The following SLC8A2 variants were observed in gnomAD, a reference collection of about 807,000 sequenced individuals.
SLC8A2 encodes sodium/calcium exchanger 2.
A neutral mutation model predicts 70.2 loss-of-function variants in SLC8A2; 14 were observed. The observed-to-expected ratio is 0.20, with a 90% CI of 0.13 to 0.31. The LOEUF is 0.31. Among genes scored for constraint, SLC8A2 ranks in the 10% least tolerant of loss-of-function variants. The probability of loss-of-function intolerance (pLI) is 1.00; values close to 1 mark genes in which losing one functional copy is unlikely to be tolerated. For synonymous variants in SLC8A2, 575 were observed against 594.3 expected (o/e 0.97, Z 0.47); for missense variants, 779 against 1,320.1 (o/e 0.59, Z 6.35).
intron 3 of SLC8A2, among the ~76,000 whole-genome samples, chr19:47,452,446 GT>G (rs34704355): frequency 3.5e-5 from 2 of 56,436 alleles, no homozygotes; most frequent in Admixed American, 5.2e-4. Flanking sequence ...GAGAGAGAGA[GT>G]GTGTGTGTGT....
chr19:47,465,725 T>G lies in SLC8A2; in HGVS notation c.675+4A>C, dbSNP rs747440137. The G allele has an allele frequency of 1.2e-6, 2 of 1,603,856 alleles. No homozygotes were observed. The highest frequency in any genetic ancestry group is 8.5e-7 in the Non-Finnish European group (1 of 1,173,228). ...CAAGAAAGCATCTATGCGTCTTTGCTCACCTGGACCACACCGGGGGAAAAA... is the reference window on the plus strand; with the variant it reads ...CAAGAAAGCATCTATGCGTCTTTGCGCACCTGGACCACACCGGGGGAAAAA... On this transcript the variant is annotated splice_donor_region_variant and intron_variant, in intron 2 of 9. Coordinates refer to ENST00000236877, the MANE Select transcript of SLC8A2 (RefSeq NM_015063.3). The surrounding 1 kb of genome is among the most constrained non-coding windows in gnomAD (Gnocchi z 5.5).
Position 47,430,032 on chromosome 19 carries a change from G to A in SLC8A2, c.*57C>T. 1 of 1,512,340 alleles carries A rather than the reference G, an allele frequency of 6.6e-7. No homozygotes were observed. Among genetic ancestry groups the A allele is most frequent in the South Asian group, 1.3e-5 (1 of 78,852 alleles). 93.7% of individuals were successfully genotyped at this position (1,512,340 alleles called of 1,614,324 possible). On this transcript the variant is annotated 3_prime_UTR_variant, in exon 10 of 10. Coordinates refer to ENST00000236877, the MANE Select transcript of SLC8A2 (RefSeq NM_015063.3). This position sits in a 1 kb window ranked among gnomAD's most constrained non-coding sequence, Gnocchi z 5.9. ...AAAGGAGACCAGGGTCCAAGAGCAG[G>A]TGCAGCCGAGTCCCTAGCCCCGGGC...
Position 47,457,584 on chromosome 19 carries a change from G to T in SLC8A2, c.686C>A (p.Ala229Glu). 6.4e-7 allele frequency: 1 copy of T among 1,561,468 alleles called. No homozygotes were observed. Among genetic ancestry groups the T allele is most frequent in the Non-Finnish European group, 8.7e-7 (1 of 1,154,164 alleles). The stretch of plus-strand genomic sequence containing the variant: ...CGGGAAGAAGACCAGGGTCAGCAGC[G>T]CCTCCCACACCTGCGGGCGGCGGGC... ...FSPGVVQVWEALLTLVFFPVC... is the reference protein window; with the variant it reads ...FSPGVVQVWEELLTLVFFPVC... Residue 229 changes from alanine to glutamate, a missense_variant, in exon 3 of 10, where the codon GCG becomes GAG. This residue lies in a region of SLC8A2 where 155 missense variants were observed against 318.6 expected (regional missense o/e 0.49). Coordinates refer to ENST00000236877, the MANE Select transcript of SLC8A2 (RefSeq NM_015063.3).
chr19:47,460,547 A>G (rs60333835), intron 2 of SLC8A2, among the ~76,000 whole-genome samples: 3,916 of 151,980 alleles, frequency 0.026, 145 homozygotes, highest in African/African-American at 0.091. Context: ...AAAATACAAA[A>G]TTAGCCAGGC....
chr19:47,451,261 G>A (rs894987880), intron 3 of SLC8A2, among the ~76,000 whole-genome samples: 1 of 151,770 alleles, frequency 6.6e-6, no homozygotes, highest in Admixed American at 6.6e-5. Flanking sequence ...GCCAGCCTCG[G>A]CCTCCCAAAG....
At chr19:47,442,920 T>C (rs569172406) in intron 4 of SLC8A2, among the ~76,000 whole-genome samples, 1 of 152,238 alleles carries the variant, frequency 6.6e-6, no homozygotes, top group South Asian at 2.1e-4. Flanking sequence ...TGCCCTCAAG[T>C]GATCCTCCCA....
intron 3 of SLC8A2, among the ~76,000 whole-genome samples, chr19:47,451,567 C>T (rs1472290876): frequency 6.6e-6 from 1 of 152,202 alleles, no homozygotes; most frequent in Non-Finnish European, 1.5e-5. Flanking sequence ...CCTTGGGCTC[C>T]CAAAGTGCTG....
At chr19:47,439,602 C>CTT (rs1208470890) in intron 6 of SLC8A2, among the ~76,000 whole-genome samples, 1 of 132,474 alleles carries the variant, frequency 7.5e-6, no homozygotes, top group Non-Finnish European at 1.6e-5. Flanking sequence ...CTCTCTTCTC[C>CTT]CTCCTTCCTT....
At chr19:47,433,244 C>A (rs916611505) in intron 8 of SLC8A2, among the ~76,000 whole-genome samples, 5 of 152,102 alleles carry the variant, frequency 3.3e-5, no homozygotes, top group African/African-American at 1.2e-4. Flanking sequence ...AGATTCACTG[C>A]AGCTAACCAG....
intron 2 of SLC8A2, among the ~76,000 whole-genome samples, chr19:47,464,756 A>T (rs757981177): frequency 6.6e-5 from 10 of 152,260 alleles, no homozygotes; most frequent in Non-Finnish European, 1.2e-4. Context: ...GACACCTGCA[A>T]ATAAATTATG....
intron 2 of SLC8A2, among the ~76,000 whole-genome samples, chr19:47,461,741 T>C (rs1421573407): frequency 6.6e-6 from 1 of 152,266 alleles, no homozygotes; most frequent in Non-Finnish European, 1.5e-5. Flanking sequence ...CCTACCATTA[T>C]GTATATTGCA....
At chr19:47,437,701 GA>G in intron 7 of SLC8A2, 140 bp from the exon 8 acceptor site, 1 of 1,175,002 alleles carries the variant, frequency 8.5e-7, no homozygotes, top group Non-Finnish European at 1.3e-6. Context: ...GGCAAGCAAG[GA>G]AAAGGGAGGC....
At chr19:47,441,220 T>C in intron 5 of SLC8A2, 34 bp from the exon 6 acceptor site, 1 of 1,613,502 alleles carries the variant, frequency 6.2e-7, no homozygotes, top group Non-Finnish European at 8.5e-7. Context: ...GACAGTGAGA[T>C]CAGTTCCCCA....
chr19:47,435,777 A>G (rs928611962), intron 8 of SLC8A2, among the ~76,000 whole-genome samples: 1 of 151,854 alleles, frequency 6.6e-6, no homozygotes, highest in African/African-American at 2.4e-5. Flanking sequence ...CGAACTCCTG[A>G]CCTCAGGTGA....
At chr19:47,435,681 T>A (rs1210247671) in intron 8 of SLC8A2, among the ~76,000 whole-genome samples, 1 of 151,616 alleles carries the variant, frequency 6.6e-6, no homozygotes, top group East Asian at 1.9e-4. Context: ...CCTGAGTACC[T>A]AGGATTACAG....
Position 47,448,337 on chromosome 19 carries a change from TAGA to T in SLC8A2, c.1341-109_1341-107del. 2.5e-6 allele frequency: 2 copies of T among 803,688 alleles called. No homozygotes were observed. Among genetic ancestry groups the T allele is most frequent in the Admixed American group, 2.7e-5 (1 of 36,796 alleles). 49.8% of individuals were successfully genotyped at this position (803,688 alleles called of 1,614,324 possible). ...CTTCCCAGAGGAGACGTAGGTGCCA[TAGA>T]AGAACTCCCAAGTATGAGGGTCGAC... On this transcript the variant is annotated intron_variant, in intron 3 of 9. Transcript: ENST00000236877. The surrounding 1 kb of genome is among the most constrained non-coding windows in gnomAD (Gnocchi z 4.8).
Position 47,468,734 on chromosome 19 carries a change from C to T in SLC8A2, c.-16-2315G>A, listed in dbSNP as rs868704718. The stretch of plus-strand genomic sequence containing the variant: ...CATTCCACAGGTGAGAGGACCAAGG[C>T]GCAGAGAGGTTACGGAACTTGCCCA... On this transcript the variant is annotated intron_variant, in intron 1 of 9. Coordinates refer to ENST00000236877, the MANE Select transcript of SLC8A2 (RefSeq NM_015063.3). The surrounding 1 kb of genome is among the most constrained non-coding windows in gnomAD (Gnocchi z 5.1). Among the ~76,000 whole-genome samples the T allele has an allele frequency of 7.9e-5, 12 of 152,124 alleles. 1 individual carries two copies. In the South Asian group the frequency reaches 8.3e-4, roughly 11 times the overall value.
intron 2 of SLC8A2, among the ~76,000 whole-genome samples, chr19:47,459,733 G>C (rs1194729448): frequency 6.6e-6 from 1 of 151,410 alleles, no homozygotes; most frequent in African/African-American, 2.4e-5. Context: ...ACGTCTGTGT[G>C]TGTATGTGTA....
At chr19:47,463,504 G>T (rs1967422268) in intron 2 of SLC8A2, among the ~76,000 whole-genome samples, 2 of 149,280 alleles carry the variant, frequency 1.3e-5, no homozygotes, top group African/African-American at 4.9e-5. Flanking sequence ...GGCTGAGGCG[G>T]GCAGATCACT....
Sources: allele counts gnomAD v4.1 joint callset (sites outside exome capture counted in the v4.1 genomes callset), GRCh38; gene constraint gnomAD v4.1.1; regional missense constraint gnomAD v4.1.1; non-coding constraint Gnocchi (gnomAD v3.1); transcripts MANE v1.5; gene names NCBI Gene and HGNC (gene_info 2026-07-23, HGNC 2026-07-21).